Variants in NR3C1 observed in about 807,000 individuals in gnomAD.
NR3C1 encodes glucocorticoid receptor.
In NR3C1, 14 loss-of-function variants were observed where a neutral mutation model predicts 74.0. That is an observed-to-expected ratio of 0.19 (90% CI 0.12 to 0.30). NR3C1 has a LOEUF of 0.30. Ranked by LOEUF, NR3C1 falls within the 10% of genes least tolerant of loss-of-function variation. The pLI, the probability that NR3C1 is intolerant of heterozygous loss-of-function variation, is 1.00. For missense variants in NR3C1, 695 were observed against 909.8 expected (o/e 0.76, Z 3.04); for synonymous variants, 308 against 332.5 (o/e 0.93, Z 0.80).
chr5:143,393,576 A>C (rs943630794), intron 2 of NR3C1, among the ~76,000 whole-genome samples: 3 of 152,136 alleles, frequency 2.0e-5, no homozygotes, highest in Non-Finnish European at 4.4e-5. Context: ...TGCAATTTAA[A>C]TAGTCTTAAA....
chr5:143,355,894 G>A (rs1176002353), intron 2 of NR3C1, among the ~76,000 whole-genome samples: 2 of 152,144 alleles, frequency 1.3e-5, no homozygotes, highest in African/African-American at 4.8e-5. Flanking sequence ...CTGACTGTGA[G>A]TCACAAGCTT....
At chr5:143,415,652 C>A (rs1841452686) in intron 1 of NR3C1, among the ~76,000 whole-genome samples, 1 of 152,040 alleles carries the variant, frequency 6.6e-6, no homozygotes, top group African/African-American at 2.4e-5. Context: ...TTGTTTTAAC[C>A]TTTCCTTATT....
chr5:143,403,232 C>T lies in NR3C1; in HGVS notation c.-35G>A. On this transcript the variant is annotated 5_prime_UTR_variant, in exon 1 of 9. Transcript: ENST00000394464. ...TTACCTCTGGCAGAGGAGCCGCTCG[C>T]CCGCCACCGTCCGCAGTTCCCGCCG... 1 of 985,524 alleles carries T rather than the reference C, an allele frequency of 1.0e-6. No homozygotes were observed. The highest frequency in any genetic ancestry group is 1.2e-6 in the Non-Finnish European group (1 of 830,038). The allele number at this position is 985,524 out of a possible 1,614,324, so 61.0% of individuals were successfully genotyped here. A position where few individuals can be genotyped will look rare whatever the true frequency, so the allele number is the denominator to read the frequency against.
At chr5:143,349,492 T>C (rs889808578) in intron 2 of NR3C1, among the ~76,000 whole-genome samples, 2 of 152,166 alleles carry the variant, frequency 1.3e-5, no homozygotes, top group African/African-American at 2.4e-5. Context: ...CATGCATCAG[T>C]ATCCACTGTT....
chr5:143,391,503 C>A (rs1201587668), intron 2 of NR3C1, among the ~76,000 whole-genome samples: 2 of 152,092 alleles, frequency 1.3e-5, no homozygotes, highest in South Asian at 2.1e-4. Flanking sequence ...GACAAAGAAT[C>A]TTTGCATACT....
intron 3 of NR3C1, among the ~76,000 whole-genome samples, chr5:143,313,085 T>C (rs1156685222): frequency 1.3e-5 from 2 of 152,232 alleles, no homozygotes; most frequent in East Asian, 3.8e-4. Flanking sequence ...ATAATCCTCA[T>C]ACAGTGAATG....
chr5:143,316,275 T>C (rs1418571503), intron 2 of NR3C1, among the ~76,000 whole-genome samples: 2 of 152,216 alleles, frequency 1.3e-5, no homozygotes, highest in African/African-American at 4.8e-5. Flanking sequence ...ATTCTGAAGA[T>C]ACTCCTATTC....
chr5:143,407,694 T>C (rs936276098), upstream of NR3C1, among the ~76,000 whole-genome samples: 1 of 152,238 alleles, frequency 6.6e-6, no homozygotes, highest in African/African-American at 2.4e-5. Flanking sequence ...CCAAACCACT[T>C]GATACATTGA....
chr5:143,326,282 T>C (rs1220269482), intron 2 of NR3C1, among the ~76,000 whole-genome samples: 1 of 152,230 alleles, frequency 6.6e-6, no homozygotes, highest in Non-Finnish European at 1.5e-5. Context: ...GTGGGTCACT[T>C]AACAGACAGT....
chr5:143,402,913 G>A (rs1840604188), intron 1 of NR3C1: 7 of 894,728 alleles, frequency 7.8e-6, no homozygotes, highest in Non-Finnish European at 9.4e-6. Context: ...ATTCCCGCGA[G>A]GAATGAGAGG....
At chr5:143,396,006 TTAAA>T (rs1839118985) in intron 2 of NR3C1, among the ~76,000 whole-genome samples, 1 of 151,842 alleles carries the variant, frequency 6.6e-6, no homozygotes, top group African/African-American at 2.4e-5. Flanking sequence ...TGTATAAACA[TTAAA>T]TAAGTAGCAA....
At chr5:143,368,256 C>T (rs1299984239) in intron 2 of NR3C1, among the ~76,000 whole-genome samples, 2 of 151,982 alleles carry the variant, frequency 1.3e-5, no homozygotes, top group Non-Finnish European at 2.9e-5. Context: ...GATCAAAGGC[C>T]TAAATGTAAG....
intron 1 of NR3C1, among the ~76,000 whole-genome samples, chr5:143,409,664 G>A (rs946405046): frequency 2.0e-5 from 3 of 152,150 alleles, no homozygotes; most frequent in African/African-American, 7.2e-5. Flanking sequence ...GCTGAGCTTT[G>A]AATGAGCCAT....
chr5:143,387,480 C>G (rs1208531246), intron 2 of NR3C1, among the ~76,000 whole-genome samples: 1 of 152,122 alleles, frequency 6.6e-6, no homozygotes, highest in Non-Finnish European at 1.5e-5. Flanking sequence ...CTCTCCCTGC[C>G]ACATTTTAAG....
intron 2 of NR3C1, among the ~76,000 whole-genome samples, chr5:143,345,618 T>A (rs1390243046): frequency 6.6e-6 from 1 of 152,218 alleles, no homozygotes; most frequent in Non-Finnish European, 1.5e-5. Flanking sequence ...CTAATTATTA[T>A]TTCTGAGCTA....
At chr5:143,325,008 A>G (rs1243005516) in intron 2 of NR3C1, among the ~76,000 whole-genome samples, 1 of 152,200 alleles carries the variant, frequency 6.6e-6, no homozygotes, top group Non-Finnish European at 1.5e-5. Context: ...GCCATTCAAC[A>G]TGTCTCTAGG....
chr5:143,303,470 T>C (rs1244782189), intron 4 of NR3C1, among the ~76,000 whole-genome samples: 1 of 152,004 alleles, frequency 6.6e-6, no homozygotes, highest in Non-Finnish European at 1.5e-5. Flanking sequence ...CTTGACCAGA[T>C]GGATTCACAG....
chr5:143,310,270 A>G, intron 3 of NR3C1, 57 bp from the exon 4 acceptor site: 1 of 1,216,588 alleles, frequency 8.2e-7, no homozygotes, highest in East Asian at 2.3e-5. Context: ...ATATTTTATA[A>G]GGACAGCCTC....
Position 143,314,135 on chromosome 5 carries a change from T to G in NR3C1, c.1218A>C (p.Pro406=), listed in dbSNP as rs1468878454. 4.3e-6 allele frequency: 7 copies of G among 1,613,750 alleles called. No homozygotes were observed. In the Admixed American group the frequency reaches 5.0e-5, roughly 12 times the overall value. Residue 406 remains proline (P), a synonymous_variant, in exon 3 of 9, where the codon CCA becomes CCC. Coordinates refer to ENST00000394464, the MANE Select transcript of NR3C1 (RefSeq NM_000176.3). ...CTGTTGTTGCTGTTGAGGAGCTGGATGGAGGAGAGCTTACATCTGGTCTCA... is the reference window on the plus strand; with the variant it reads ...CTGTTGTTGCTGTTGAGGAGCTGGAGGGAGGAGAGCTTACATCTGGTCTCA... ...PSMRPDVSSP[P]SSSSTATTGP...
Sources: gnomAD v4.1 joint callset for allele counts (sites outside exome capture counted in the v4.1 genomes callset) on GRCh38, gnomAD v4.1.1 for gene constraint, MANE v1.5 for transcripts, NCBI Gene and HGNC (gene_info 2026-07-23, HGNC 2026-07-21) for gene names.